Variants in HS6ST3 observed in about 807,000 individuals in gnomAD.
The protein encoded by HS6ST3 is heparan sulfate 6-O-sulfotransferase 3, also known as heparan-sulfate 6-O-sulfotransferase 3.
In HS6ST3, 12 loss-of-function variants were observed where a neutral mutation model predicts 36.7. The ratio of observed to expected loss-of-function variants is 0.33; its 90% CI spans 0.21 to 0.53. The LOEUF is 0.53. Ranked by LOEUF, HS6ST3 falls within the 20% of genes least tolerant of loss-of-function variation. HS6ST3 has a pLI of 0.95. For missense variants in HS6ST3, 584 were observed against 640.9 expected (o/e 0.91, Z 0.96); for synonymous variants, 240 against 257.5 (o/e 0.93, Z 0.65).
At chr13:96,707,597 A>G (rs899240832) in intron 1 of HS6ST3, among the ~76,000 whole-genome samples, 4 of 152,174 alleles carry the variant, frequency 2.6e-5, no homozygotes, top group African/African-American at 9.6e-5. Flanking sequence ...AAGAACCTAC[A>G]TGGGAGAAGC....
chr13:96,637,493 T>A (rs902534991), intron 1 of HS6ST3, among the ~76,000 whole-genome samples: 1 of 152,122 alleles, frequency 6.6e-6, no homozygotes, highest in African/African-American at 2.4e-5. Context: ...CAAAAGCTTG[T>A]TCTGCTGATG....
At chr13:96,796,443 A>G (rs1378547999) in intron 1 of HS6ST3, among the ~76,000 whole-genome samples, 1 of 152,118 alleles carries the variant, frequency 6.6e-6, no homozygotes, top group East Asian at 1.9e-4. Context: ...AGCTCAGACT[A>G]GTGGTAGGAG....
intron 1 of HS6ST3, among the ~76,000 whole-genome samples, chr13:96,322,478 G>T (rs9516660): frequency 0.29 from 43,603 of 151,704 alleles, 7,752 homozygotes; most frequent in Non-Finnish European, 0.39. Flanking sequence ...GATGGCTTGA[G>T]CCTGGGAGGC....
At chr13:96,483,335 G>A (rs2055898746) in intron 1 of HS6ST3, among the ~76,000 whole-genome samples, 1 of 152,126 alleles carries the variant, frequency 6.6e-6, no homozygotes, top group Non-Finnish European at 1.5e-5. Flanking sequence ...AAGGCCCATT[G>A]GTGGGAAGAA....
chr13:96,558,146 A>T (rs1005837424), intron 1 of HS6ST3, among the ~76,000 whole-genome samples: 20 of 152,068 alleles, frequency 1.3e-4, no homozygotes, highest in African/African-American at 4.8e-4. Flanking sequence ...TGCTCGTTAC[A>T]TTCCTATTTT....
At chr13:96,226,428 G>A (rs1198822993) in intron 1 of HS6ST3, among the ~76,000 whole-genome samples, 2 of 152,192 alleles carry the variant, frequency 1.3e-5, no homozygotes, top group Admixed American at 1.3e-4. Context: ...GCTGAGACAG[G>A]AGAATTGCTT....
intron 1 of HS6ST3, among the ~76,000 whole-genome samples, chr13:96,694,677 T>C (rs1356298348): frequency 6.6e-6 from 1 of 152,152 alleles, no homozygotes; most frequent in African/African-American, 2.4e-5. Flanking sequence ...TGTTCCTATT[T>C]CTCCATAAAT....
At chr13:96,733,675 G>GT (rs1876213967) in intron 1 of HS6ST3, among the ~76,000 whole-genome samples, 2 of 152,048 alleles carry the variant, frequency 1.3e-5, no homozygotes, top group African/African-American at 4.8e-5. Context: ...CAATGAAATG[G>GT]GTATAATAAT....
intron 1 of HS6ST3, among the ~76,000 whole-genome samples, chr13:96,197,172 C>A (rs2054318459): frequency 6.6e-6 from 1 of 152,158 alleles, no homozygotes; most frequent in African/African-American, 2.4e-5. Context: ...TAAAGACATA[C>A]CCGAGACTGG....
At chr13:96,560,553 T>C (rs572670615) in intron 1 of HS6ST3, among the ~76,000 whole-genome samples, 1 of 152,178 alleles carries the variant, frequency 6.6e-6, no homozygotes, top group East Asian at 1.9e-4. Flanking sequence ...GAAGTAAAAA[T>C]TCATCCAAAT....
At chr13:96,286,339 T>C (rs1212940941) in intron 1 of HS6ST3, among the ~76,000 whole-genome samples, 1 of 152,212 alleles carries the variant, frequency 6.6e-6, no homozygotes, top group Non-Finnish European at 1.5e-5. Context: ...GTTACCCCTC[T>C]TTCTCTATAG....
chr13:96,670,328 T>C (rs1396076205), intron 1 of HS6ST3, among the ~76,000 whole-genome samples: 1 of 152,108 alleles, frequency 6.6e-6, no homozygotes, highest in Non-Finnish European at 1.5e-5. Flanking sequence ...TTGAGGTAGA[T>C]TCAAGAGAGA....
chr13:96,162,506 T>A (rs568889850), intron 1 of HS6ST3, among the ~76,000 whole-genome samples: 1 of 152,162 alleles, frequency 6.6e-6, no homozygotes, highest in Admixed American at 6.5e-5. Flanking sequence ...CCTGTGGACA[T>A]TTTTATCCAG....
At chr13:96,136,925 T>A (rs113635375) in intron 1 of HS6ST3, among the ~76,000 whole-genome samples, 3,052 of 152,104 alleles carry the variant, frequency 0.02, 89 homozygotes, top group African/African-American at 0.068. Flanking sequence ...GACTTTGTGG[T>A]GTGAAAGGGT....
intron 1 of HS6ST3, among the ~76,000 whole-genome samples, chr13:96,439,714 T>C (rs1038290601): frequency 6.6e-6 from 1 of 152,220 alleles, no homozygotes; most frequent in Non-Finnish European, 1.5e-5. Context: ...TGACTCAGAA[T>C]AGGTGTGAAT....
chr13:96,609,252 G>A (rs548826401), intron 1 of HS6ST3, among the ~76,000 whole-genome samples: 1 of 152,128 alleles, frequency 6.6e-6, no homozygotes, highest in African/African-American at 2.4e-5. Flanking sequence ...TTGCAGATGT[G>A]AGCCACCACG....
In HS6ST3 at chr13:96,401,643, C is replaced by T. The variant is rs923327194; in HGVS notation, c.707+310074C>T. 2.6e-5 allele frequency among the ~76,000 whole-genome samples: 4 copies of T among 152,064 alleles called. 1 individual carries two copies. The highest frequency in any genetic ancestry group is 4.1e-4 in the South Asian group (2 of 4,820). ...AGGCTGGAGTATGGTGGTGCGATCTCGGCTCACTGCAACCTCCACCTCCCG... is the reference window on the plus strand; with the variant it reads ...AGGCTGGAGTATGGTGGTGCGATCTTGGCTCACTGCAACCTCCACCTCCCG... On this transcript the variant is annotated intron_variant, in intron 1 of 1. Coordinates refer to ENST00000376705, the MANE Select transcript of HS6ST3 (RefSeq NM_153456.4).
intron 1 of HS6ST3, among the ~76,000 whole-genome samples, chr13:96,555,335 A>G (rs998491063): frequency 2.0e-5 from 3 of 152,190 alleles, no homozygotes; most frequent in Non-Finnish European, 2.9e-5. Context: ...TATTAACACA[A>G]TGAAAAGCAT....
chr13:96,272,873 T>A (rs1268282887), intron 1 of HS6ST3, among the ~76,000 whole-genome samples: 1 of 151,930 alleles, frequency 6.6e-6, no homozygotes, highest in Non-Finnish European at 1.5e-5. Flanking sequence ...GCCAAAAAAA[T>A]ACCCTAAAGA....
Sources: gnomAD v4.1 joint callset for allele counts (sites outside exome capture counted in the v4.1 genomes callset) on GRCh38, gnomAD v4.1.1 for gene constraint, MANE v1.5 for transcripts, NCBI Gene and HGNC (gene_info 2026-07-23, HGNC 2026-07-21) for gene names.